SERBP1: variants seen among roughly 807,000 people sequenced by gnomAD.
SERBP1 encodes SERPINE1 mRNA binding protein 1, also known as SERPINE1 mRNA-binding protein 1.
In SERBP1, 6 loss-of-function variants were observed where a neutral mutation model predicts 50.2. The observed-to-expected ratio is 0.12, with a 90% CI of 0.07 to 0.24. The LOEUF (loss-of-function observed/expected upper bound fraction) is 0.24, where lower values mean the gene tolerates loss of function less well. SERBP1 is among the 10% of genes least tolerant of loss of function. The pLI is 1.00. For synonymous variants in SERBP1, 168 were observed against 182.8 expected, an observed-to-expected ratio of 0.92 and a Z score of 0.65; for missense variants, 346 against 524.9, an observed-to-expected ratio of 0.66 and a Z score of 3.33.
chr1:67,425,159 G>A lies in SERBP1; in HGVS notation c.529C>T (p.Arg177Cys), dbSNP rs757027601. Residue 177 changes from arginine to cysteine, a missense_variant, in exon 3 of 8, where the codon CGT becomes TGT. This residue lies in a region of SERBP1 where 257 missense variants were observed against 331.2 expected (regional missense o/e 0.78). Transcript: ENST00000361219. ...AATCCATCTCCTCGGCCCATTCCAC[G>A]TCCACGGCCCCCTCGACCTCTTCCA... ...GLGRGRGGRG[R>C]GMGRGDGFDS... 5.6e-6 allele frequency: 9 copies of A among 1,611,446 alleles called. No homozygotes were observed. Among genetic ancestry groups the A allele is most frequent in the African/African-American group, 1.3e-5 (1 of 74,878 alleles).
In SERBP1 at chr1:67,409,328, G is replaced by GTT. The variant is rs34442991; in HGVS notation, c.*3877_*3878dup. On this transcript the variant is annotated 3_prime_UTR_variant, in exon 8 of 8. Coordinates refer to ENST00000361219, the MANE Select transcript of SERBP1 (RefSeq NM_001018069.2). ...CTGGGCTGCCTACATTTTTCTGTGG[G>GTT]TTTTTTTTTTTTTTAATCCTATACA... 426 of 133,762 alleles carry GTT rather than the reference G, an allele frequency of 3.2e-3. 5 individuals are homozygous for GTT. Among genetic ancestry groups the GTT allele is most frequent in the African/African-American group, 7.9e-3 (290 of 36,592 alleles). The allele number at this position is 133,762 out of a possible 1,614,324, so 8.3% of individuals were successfully genotyped here.
chr1:67,427,792 A>G (rs964700298), intron 1 of SERBP1, among the ~76,000 whole-genome samples: 1 of 152,228 alleles, frequency 6.6e-6, no homozygotes, highest in Non-Finnish European at 1.5e-5. Flanking sequence ...ACATTTAAAA[A>G]TGCAAGCTTC....
intron 1 of SERBP1, among the ~76,000 whole-genome samples, chr1:67,428,888 T>C (rs149991389): frequency 6.6e-6 from 1 of 152,308 alleles, no homozygotes; most frequent in Non-Finnish European, 1.5e-5. Context: ...TAATTTCAAC[T>C]TTCAACATAT....
At chr1:67,418,084 T>C (rs1166468775) in intron 6 of SERBP1, among the ~76,000 whole-genome samples, 1 of 147,094 alleles carries the variant, frequency 6.8e-6, no homozygotes, top group Non-Finnish European at 1.5e-5. Context: ...AAAGTGATTC[T>C]CCTGCCTCAG....
At chr1:67,422,372 G>A (rs1002687606) in intron 5 of SERBP1, among the ~76,000 whole-genome samples, 2 of 151,870 alleles carry the variant, frequency 1.3e-5, no homozygotes, top group Non-Finnish European at 1.5e-5. Context: ...TTAGCCGGGC[G>A]TGGTGGCACA....
intron 7 of SERBP1, among the ~76,000 whole-genome samples, chr1:67,414,031 C>A (rs1356790769): frequency 6.6e-6 from 1 of 152,168 alleles, no homozygotes; most frequent in Non-Finnish European, 1.5e-5. Flanking sequence ...CTCAGGTGAT[C>A]TGTTCACCCA....
In SERBP1 at chr1:67,417,983, T is replaced by G. The variant is rs1570286619; in HGVS notation, c.951+2026A>C. ...AAGTTAAAGTGTTGTTTTTTTTTTT[T>G]TTTTTTTTTTTTGAGACAGTCTTGC... On this transcript the variant is annotated intron_variant, in intron 6 of 7. Transcript: ENST00000361219. Among the ~76,000 whole-genome samples, 8 of 140,740 alleles carry G rather than the reference T, an allele frequency of 5.7e-5. 1 individual carries two copies. Among genetic ancestry groups the G allele is most frequent in the Middle Eastern group, 3.5e-3 (1 of 282 alleles). 92.3% of individuals were successfully genotyped at this position (140,740 alleles called of 152,430 possible).
chr1:67,420,185 C>T lies in SERBP1; in HGVS notation c.775G>A (p.Glu259Lys), dbSNP rs1445502665. The change falls in exon 6 of 8, where the codon GAG (glutamate) becomes AAG (lysine). Residue 259 changes from glutamate (E) to lysine (K), a missense_variant and splice_region_variant. By Grantham distance (56) the Glu-to-Lys change is moderately conservative (BLOSUM62 1). Coordinates refer to ENST00000361219, the MANE Select transcript of SERBP1 (RefSeq NM_001018069.2). ...HHPVADTENK[E>K]NEVEEVKEEG... ...TCTTTTACCTCTTCAACTTCATTCT[C>T]CCTGTGAAAAGGTTTTCAAGTTTTA... The T allele has an allele frequency of 6.9e-6, 11 of 1,605,086 alleles. No homozygotes were observed. Among genetic ancestry groups the T allele is most frequent in the Non-Finnish European group, 9.3e-6 (11 of 1,177,252 alleles).
rs1451701980 is a variant in SERBP1 at position 67,409,969 on chromosome 1, A to G, written c.*3238T>C. The G allele has an allele frequency of 6.6e-6, 1 of 152,154 alleles. No homozygotes were observed. Among genetic ancestry groups the G allele is most frequent in the Non-Finnish European group, 1.5e-5 (1 of 68,032 alleles). The allele number at this position is 152,154 out of a possible 1,614,324, so 9.4% of individuals were successfully genotyped here. A position where few individuals can be genotyped will look rare whatever the true frequency, so the allele number is the denominator to read the frequency against. The stretch of plus-strand genomic sequence containing the variant: ...TACATGTTCAGACTTGCTAAAACTT[A>G]TTTACATATTTGTCTCAGTATAATC... On this transcript the variant is annotated 3_prime_UTR_variant, in exon 8 of 8. Coordinates refer to ENST00000361219, the MANE Select transcript of SERBP1 (RefSeq NM_001018069.2).
intron 6 of SERBP1, among the ~76,000 whole-genome samples, chr1:67,417,591 A>G (rs1368935513): frequency 6.6e-6 from 1 of 151,788 alleles, no homozygotes; most frequent in Non-Finnish European, 1.5e-5. Context: ...GCTCACTGCA[A>G]CCTCTGCCTC....
At chr1:67,422,290 G>A (rs1460079748) in intron 5 of SERBP1, among the ~76,000 whole-genome samples, 1 of 151,756 alleles carries the variant, frequency 6.6e-6, no homozygotes, top group African/African-American at 2.4e-5. Flanking sequence ...AAGGAGGGCA[G>A]ATCACCTGAG....
In SERBP1 at chr1:67,426,278, T is replaced by C. The variant is rs771233087; in HGVS notation, c.321A>G (p.Arg107=). The change falls in exon 2 of 8, where the codon AGA becomes AGG. Residue 107 remains arginine (R), a synonymous_variant. Transcript: ENST00000361219. ...GTTGATCAGGTCTTCTTCCAACTCG[T>C]CTTATTCCTAAAACGATAAGATAAC... The part of the protein sequence containing the change: ...PPVALKKEGI[R]RVGRRPDQQL... The C allele has an allele frequency of 1.9e-6, 3 of 1,590,552 alleles. No individual in the cohort carries two copies. The highest frequency in any genetic ancestry group is 1.7e-6 in the Non-Finnish European group (2 of 1,170,714).
At position 67,408,247 on chromosome 1, in the gene SERBP1, G is replaced by C. The variant is rs1666697521; in HGVS notation, c.*4960C>G. Reference sequence around the variant, plus strand: ...AAATAGATTTCTAAAAGTCCATAATGAATCAGAACTCAGATACAAAGTTAC... The same window carrying C: ...AAATAGATTTCTAAAAGTCCATAATCAATCAGAACTCAGATACAAAGTTAC... On this transcript the variant is annotated 3_prime_UTR_variant, in exon 8 of 8. Transcript: ENST00000361219. 6.6e-6 allele frequency: 1 copy of C among 152,088 alleles called. No individual in the cohort carries two copies. Among genetic ancestry groups the C allele is most frequent in the African/African-American group, 2.4e-5 (1 of 41,424 alleles). 9.4% of individuals were successfully genotyped at this position (152,088 alleles called of 1,614,324 possible). A position where few individuals can be genotyped will look rare whatever the true frequency, so the allele number is the denominator to read the frequency against.
At chr1:67,429,874 A>G (rs1193526973) in intron 1 of SERBP1, 114 bp downstream of exon 1, 1 of 1,157,778 alleles carries the variant, frequency 8.6e-7, no homozygotes, top group Non-Finnish European at 1.2e-6. Flanking sequence ...ACGTGAGGAT[A>G]TAGGCGGCAA....
At chr1:67,427,967 A>G (rs1021783553) in intron 1 of SERBP1, among the ~76,000 whole-genome samples, 1 of 152,234 alleles carries the variant, frequency 6.6e-6, no homozygotes, top group East Asian at 1.9e-4. Context: ...TTCATAAAAC[A>G]TAAACATTAA....
At chr1:67,428,533 G>T (rs1027555717) in intron 1 of SERBP1, among the ~76,000 whole-genome samples, 1 of 152,054 alleles carries the variant, frequency 6.6e-6, no homozygotes, top group Non-Finnish European at 1.5e-5. Flanking sequence ...CTTAACACAC[G>T]AATTAAATGA....
intron 6 of SERBP1, among the ~76,000 whole-genome samples, chr1:67,417,639 G>A (rs1265328988): frequency 2.6e-5 from 4 of 151,468 alleles, no homozygotes; most frequent in Non-Finnish European, 4.4e-5. Context: ...CAGCCTCCCA[G>A]GTAACTGAGA....
Position 67,408,891 on chromosome 1 carries a change from T to C in SERBP1, c.*4316A>G, listed in dbSNP as rs1666723424. On this transcript the variant is annotated 3_prime_UTR_variant, in exon 8 of 8. Transcript: ENST00000361219. Reference sequence around the variant, plus strand: ...TTTGATTATATAGAGGTGTAAAGTATGCTTTAAAATTACTTCTAATTTCAC... The same window carrying C: ...TTTGATTATATAGAGGTGTAAAGTACGCTTTAAAATTACTTCTAATTTCAC... 1.3e-5 allele frequency: 2 copies of C among 152,200 alleles called. No individual in the cohort carries two copies. The highest frequency in any genetic ancestry group is 4.1e-4 in the South Asian group (2 of 4,832). 9.4% of individuals were successfully genotyped at this position (152,200 alleles called of 1,614,324 possible).
At chr1:67,422,530 GAA>G (rs921591622) in intron 5 of SERBP1, among the ~76,000 whole-genome samples, 2 of 150,592 alleles carry the variant, frequency 1.3e-5, no homozygotes, top group African/African-American at 4.9e-5. Context: ...AAAGAAAAAA[GAA>G]AAAGTTTAGA....
Sources: gnomAD v4.1 joint callset for allele counts (sites outside exome capture counted in the v4.1 genomes callset) on GRCh38, gnomAD v4.1.1 for gene constraint, gnomAD v4.1.1 regional missense constraint, MANE v1.5 for transcripts, NCBI Gene and HGNC (gene_info 2026-07-23, HGNC 2026-07-21) for gene names.